The following PI16 variants were observed in gnomAD, a reference collection of about 807,000 sequenced individuals.
The protein encoded by PI16 is peptidase inhibitor 16, also known as PSP94-binding protein.
PI16 carries 35 observed loss-of-function variants against 38.0 expected under a neutral mutation model. The observed-to-expected ratio is 0.92, with a 90% CI of 0.70 to 1.22. The LOEUF is 1.22. PI16 is among the 50% of genes most tolerant of loss of function. The pLI is 0.00. For missense variants in PI16, 572 were observed against 593.8 expected (o/e 0.96, Z 0.38); for synonymous variants, 275 against 252.9 (o/e 1.09, Z -0.83).
chr6:36,959,107 T>TG, intron 1 of PI16, 38 bp from the exon 2 acceptor site: 1 of 1,556,844 alleles, frequency 6.4e-7, no homozygotes. Context: ...ACAGCATCTG[T>TG]GGGCATCCTC....
Position 36,961,936 on chromosome 6 carries a change from A to T in PI16, c.554A>T (p.Gln185Leu), listed in dbSNP as rs914287643. The T allele has an allele frequency of 6.2e-7, 1 of 1,614,126 alleles. No homozygotes were observed. The highest frequency in any genetic ancestry group is 1.1e-5 in the South Asian group (1 of 91,080). ...RPYQEGTPCS[Q>L]CPSGYHCKNS... Reference sequence around the variant, plus strand: ...TACCAGGAGGGGACTCCGTGCTCCCAATGTCCCTCTGGCTACCACTGCAAG... The same window carrying T: ...TACCAGGAGGGGACTCCGTGCTCCCTATGTCCCTCTGGCTACCACTGCAAG... Residue 185 changes from glutamine to leucine, a missense_variant, in exon 4 of 7, where the codon CAA (glutamine) becomes CTA (leucine). Physicochemically the swap from Gln to Leu is moderately radical, Grantham distance 113. Transcript: ENST00000373674.
chr6:36,960,326 TG>T (rs1763325989), intron 2 of PI16, among the ~76,000 whole-genome samples: 1 of 788 alleles, frequency 1.3e-3, no homozygotes, highest in Admixed American at 0.019. Context: ...GCAGATAAGA[TG>T]TGTGTGTGTG....
intron 5 of PI16, 72 bp downstream of exon 5, chr6:36,963,684 G>C (rs1561899080): frequency 1.3e-6 from 2 of 1,566,966 alleles, no homozygotes; most frequent in Non-Finnish European, 1.7e-6. Context: ...AGCATAGGTG[G>C]TATGAGCATG....
Position 36,963,339 on chromosome 6 carries a change from C to T in PI16, c.997C>T (p.Pro333Ser). The change falls in exon 5 of 7, where the codon CCA becomes TCA. Residue 333 changes from proline (P) to serine (S), a missense_variant. Pro to Ser is a moderately conservative substitution (Grantham distance 74). Coordinates refer to ENST00000373674, the MANE Select transcript of PI16 (RefSeq NM_153370.3). ...TDKTKVPSRSPENSLDPKMSL... is the reference protein window; with the variant it reads ...TDKTKVPSRSSENSLDPKMSL... ...CAAAACAAAAGTGCCCTCTAGGAGC[C>T]CAGAGAACTCTCTGGACCCCAAGAT... 1.9e-6 allele frequency: 3 copies of T among 1,614,176 alleles called. No individual in the cohort carries two copies. In the South Asian group the frequency reaches 3.3e-5, roughly 18 times the overall value.
rs1211364774 is a variant in PI16 at position 36,959,009 on chromosome 6, C to T, written c.172-136C>T. 22 of 745,430 alleles carry T rather than the reference C, an allele frequency of 3.0e-5. No individual in the cohort carries two copies. In the Admixed American group the frequency reaches 5.1e-4, roughly 17 times the overall value. The allele number at this position is 745,430 out of a possible 1,614,324, so 46.2% of individuals were successfully genotyped here. On this transcript the variant is annotated intron_variant, in intron 1 of 6. Coordinates refer to ENST00000373674, the MANE Select transcript of PI16 (RefSeq NM_153370.3). Reference sequence around the variant, plus strand: ...ACAGACGCCCACCCAGAGCAGAGACCTGTTCTAGGCCATGCCCAAGAGTCA... The same window carrying T: ...ACAGACGCCCACCCAGAGCAGAGACTTGTTCTAGGCCATGCCCAAGAGTCA...
At chr6:36,948,799 T>C (rs1470202691) in intron 1 of PI16, among the ~76,000 whole-genome samples, 1 of 151,376 alleles carries the variant, frequency 6.6e-6, no homozygotes, top group African/African-American at 2.4e-5. Context: ...TTTTTTGTTT[T>C]TGTTTTTGTT....
upstream of PI16, among the ~76,000 whole-genome samples, chr6:36,953,370 ATTC>A (rs1304977233): frequency 6.6e-6 from 1 of 151,252 alleles, no homozygotes; most frequent in Admixed American, 6.6e-5. Flanking sequence ...TAAGAATTTT[ATTC>A]TTTTTATTCT....
upstream of PI16, among the ~76,000 whole-genome samples, chr6:36,950,057 T>C (rs1763074301): frequency 6.6e-6 from 1 of 152,186 alleles, no homozygotes; most frequent in African/African-American, 2.4e-5. This position sits in a 1 kb window ranked among gnomAD's most constrained non-coding sequence, Gnocchi z 4.2. Context: ...TTTACCATCT[T>C]ACCCATGTTT....
upstream of PI16, among the ~76,000 whole-genome samples, chr6:36,950,755 C>T (rs1763087229): frequency 6.6e-6 from 1 of 152,164 alleles, no homozygotes; most frequent in Non-Finnish European, 1.5e-5. This position sits in a 1 kb window ranked among gnomAD's most constrained non-coding sequence, Gnocchi z 4.2. Flanking sequence ...GTTGGTCAGG[C>T]TGGTCTCGAA....
At chr6:36,951,102 T>C (rs895129907), upstream of PI16, among the ~76,000 whole-genome samples, 4 of 152,222 alleles carry the variant, frequency 2.6e-5, no homozygotes, top group African/African-American at 9.6e-5. Context: ...ATTTCCCTAA[T>C]GGTAAGTGAT....
Position 36,959,324 on chromosome 6 carries a change from C to G in PI16, c.351C>G (p.Ala117=). Reference sequence around the variant, plus strand: ...AGCGTGAGCACTACAACCTCAGCGCCGCCACCTGCAGCCCAGGCCAGATGT... The same window carrying G: ...AGCGTGAGCACTACAACCTCAGCGCGGCCACCTGCAGCCCAGGCCAGATGT... The part of the protein sequence containing the change: ...HHEREHYNLS[A]ATCSPGQMCG... Residue 117 remains alanine, a synonymous_variant, in exon 2 of 7, where the codon GCC becomes GCG. Coordinates refer to ENST00000373674, the MANE Select transcript of PI16 (RefSeq NM_153370.3). 1 of 1,574,430 alleles carries G rather than the reference C, an allele frequency of 6.4e-7. No homozygotes were observed. Among genetic ancestry groups the G allele is most frequent in the South Asian group, 1.2e-5 (1 of 85,988 alleles).
At chr6:36,961,588 G>A in intron 3 of PI16, 28 bp downstream of exon 3, 1 of 1,602,134 alleles carries the variant, frequency 6.2e-7, no homozygotes, top group Non-Finnish European at 8.6e-7. Flanking sequence ...CCCTGGAGAT[G>A]GAGAGGGGGA....
intron 1 of PI16, among the ~76,000 whole-genome samples, chr6:36,949,454 G>A (rs1440187493): frequency 2.0e-5 from 3 of 152,132 alleles, no homozygotes; most frequent in African/African-American, 7.2e-5. Context: ...TCAAGCCTAA[G>A]TTGTCAGGAA....
chr6:36,961,833 A>G (rs1746886206), intron 3 of PI16, 53 bp from the exon 4 acceptor site: 1 of 1,392,256 alleles, frequency 7.2e-7, no homozygotes, highest in South Asian at 1.2e-5. Flanking sequence ...AGTTGGGGAG[A>G]GGGTTGGGAG....
chr6:36,957,485 A>G (rs531929092), intron 1 of PI16, among the ~76,000 whole-genome samples: 5 of 152,270 alleles, frequency 3.3e-5, no homozygotes, highest in Non-Finnish European at 7.4e-5. Context: ...TTTTATGTCA[A>G]TGGAAATTTG....
chr6:36,951,257 T>C (rs1393536517), upstream of PI16, among the ~76,000 whole-genome samples: 2 of 152,228 alleles, frequency 1.3e-5, no homozygotes, highest in Non-Finnish European at 2.9e-5. Flanking sequence ...AATTTTTTTT[T>C]CTTGAGACAG....
intron 1 of PI16, among the ~76,000 whole-genome samples, chr6:36,948,574 A>G (rs1377269088): frequency 6.7e-6 from 1 of 148,640 alleles, no homozygotes; most frequent in African/African-American, 2.5e-5. Context: ...CTGGGATTAC[A>G]AGCCTGAGCC....
intron 1 of PI16, among the ~76,000 whole-genome samples, chr6:36,955,541 C>T (rs889490434): frequency 3.3e-5 from 5 of 152,078 alleles, no homozygotes; most frequent in African/African-American, 1.2e-4. Context: ...GTAACCTTGC[C>T]GATCCCGTGT....
At chr6:36,950,839 G>C (rs116682050), upstream of PI16, among the ~76,000 whole-genome samples, 1 of 152,064 alleles carries the variant, frequency 6.6e-6, no homozygotes, top group African/African-American at 2.4e-5. The surrounding 1 kb of genome is among the most constrained non-coding windows in gnomAD (Gnocchi z 4.2). Context: ...CACCGTGCCC[G>C]GCCAAGTCCC....
Sources: gnomAD v4.1 joint callset for allele counts (sites outside exome capture counted in the v4.1 genomes callset) on GRCh38, gnomAD v4.1.1 for gene constraint, Gnocchi (gnomAD v3.1) non-coding constraint, MANE v1.5 for transcripts, NCBI Gene and HGNC (gene_info 2026-07-23, HGNC 2026-07-21) for gene names.